The following PICALM variants were observed in gnomAD, a reference collection of about 807,000 sequenced individuals.
The protein encoded by PICALM is phosphatidylinositol binding clathrin assembly protein.
PICALM carries 40 observed loss-of-function variants against 80.5 expected under a neutral mutation model. The ratio of observed to expected loss-of-function variants is 0.50; its 90% CI spans 0.39 to 0.65. The LOEUF (loss-of-function observed/expected upper bound fraction) is 0.65, where lower values mean the gene tolerates loss of function less well. PICALM is among the 30% of genes least tolerant of loss of function. PICALM has a pLI of 0.00. For missense variants in PICALM, 676 were observed against 778.9 expected, an observed-to-expected ratio of 0.87 and a Z score of 1.57; for synonymous variants, 288 against 260.3, an observed-to-expected ratio of 1.11 and a Z score of -1.02.
rs1441340085 is a variant in PICALM, at chr11:85,957,264, T to C, written c.*1782A>G. ...ACATTTTTTCTCCAATCACAGCAAA[T>C]ATTATGAGACACTTATCAATGCAAA... is the stretch of plus-strand genomic sequence containing the variant. On this transcript the variant is annotated 3_prime_UTR_variant, in exon 20 of 20. Transcript: ENST00000393346. Among the ~76,000 whole-genome samples, 1 of 152,178 alleles carries C rather than the reference T, an allele frequency of 6.6e-6. No individual in the cohort carries two copies. The highest frequency in any genetic ancestry group is 1.5e-5 in the Non-Finnish European group (1 of 68,022).
chr11:86,017,201 T>G (rs959376625), intron 4 of PICALM, among the ~76,000 whole-genome samples: 2 of 143,852 alleles, frequency 1.4e-5, no homozygotes, highest in African/African-American at 2.6e-5. Context: ...CCAGCCTGGG[T>G]GACAGAGTGA....
chr11:86,052,053 G>A (rs189778189), intron 1 of PICALM, among the ~76,000 whole-genome samples: 116 of 152,278 alleles, frequency 7.6e-4, no homozygotes, highest in African/African-American at 2.6e-3. Flanking sequence ...CAACTGAAAC[G>A]GTTTGGCTCT....
chr11:86,011,626 C>T (rs1025082330), intron 6 of PICALM, among the ~76,000 whole-genome samples: 10 of 152,024 alleles, frequency 6.6e-5, no homozygotes, highest in African/African-American at 1.9e-4. Context: ...CTTTATTTTT[C>T]ACTTGTGAAA....
chr11:85,972,633 A>C lies in PICALM; in HGVS notation c.1944+2075T>G, dbSNP rs567613498. The stretch of plus-strand genomic sequence containing the variant: ...CAGAGTGGGTGAAGGGTTTAACTAC[A>C]TATCAGGAAAAACACTTCTGTAGTC... On this transcript the variant is annotated intron_variant, in intron 19 of 19. Transcript: ENST00000393346. 1.3e-4 allele frequency among the ~76,000 whole-genome samples: 20 copies of C among 152,348 alleles called. 1 individual carries two copies. The South Asian group carries it at 3.9e-3, about 30-fold the overall frequency.
chr11:85,998,212 TG>T (rs1381483244), intron 11 of PICALM, among the ~76,000 whole-genome samples: 1 of 152,000 alleles, frequency 6.6e-6, no homozygotes, highest in African/African-American at 2.4e-5. Context: ...CCCGGGTTCA[TG>T]CCATTCTTCT....
intron 17 of PICALM, among the ~76,000 whole-genome samples, chr11:85,980,473 G>C (rs1170654560): frequency 6.6e-6 from 1 of 152,114 alleles, no homozygotes; most frequent in African/African-American, 2.4e-5. Flanking sequence ...ATTTCCCCCA[G>C]CAAGGGTTCA....
intron 13 of PICALM, among the ~76,000 whole-genome samples, chr11:85,988,993 G>T (rs1371113243): frequency 6.6e-6 from 1 of 152,176 alleles, no homozygotes; most frequent in East Asian, 1.9e-4. Flanking sequence ...CACATATGCA[G>T]CATAGTTAAG....
intron 19 of PICALM, among the ~76,000 whole-genome samples, chr11:85,970,694 G>C (rs899108936): frequency 2.0e-5 from 3 of 152,142 alleles, no homozygotes; most frequent in Non-Finnish European, 4.4e-5. Context: ...TGTAATCCCA[G>C]CTGCCGGGGA....
chr11:86,012,134 T>C (rs1180544399), intron 6 of PICALM, 147 bp downstream of exon 6: 1 of 427,918 alleles, frequency 2.3e-6, no homozygotes, highest in Admixed American at 4.2e-5. Context: ...AGTAATTAGG[T>C]ATAAAACTCT....
chr11:86,042,242 A>C (rs2095984727), intron 1 of PICALM, among the ~76,000 whole-genome samples: 1 of 152,196 alleles, frequency 6.6e-6, no homozygotes, highest in Non-Finnish European at 1.5e-5. Context: ...CCTAGATTCC[A>C]AATAAGGATT....
At chr11:85,980,307 G>A (rs2094403911) in intron 17 of PICALM, among the ~76,000 whole-genome samples, 2 of 152,158 alleles carry the variant, frequency 1.3e-5, no homozygotes, top group South Asian at 4.1e-4. Flanking sequence ...GCTGGACAGG[G>A]CTAAAATTCC....
At chr11:86,046,949 A>G (rs1439739133) in intron 1 of PICALM, among the ~76,000 whole-genome samples, 1 of 152,214 alleles carries the variant, frequency 6.6e-6, no homozygotes, top group East Asian at 1.9e-4. Flanking sequence ...AGATTTCTTT[A>G]TACATTACAA....
Position 85,996,231 on chromosome 11 carries a change from G to A in PICALM, c.1258+595C>T, listed in dbSNP as rs566713719. Among the ~76,000 whole-genome samples, 5 of 152,090 alleles carry A rather than the reference G, an allele frequency of 3.3e-5. No homozygotes were observed. In the East Asian group the frequency reaches 9.6e-4, roughly 29 times the overall value. On this transcript the variant is annotated intron_variant, in intron 12 of 19. Transcript: ENST00000393346. ...TAACTTATCTTGCTATGAGAGATAA[G>A]CCTATCACTTCAGAACTGCTTAAGG...
chr11:86,021,059 G>A (rs964136691), intron 4 of PICALM, among the ~76,000 whole-genome samples: 5 of 152,128 alleles, frequency 3.3e-5, no homozygotes, highest in East Asian at 3.8e-4. Context: ...ATTTAAAAAT[G>A]AGCAAAAGGC....
intron 4 of PICALM, among the ~76,000 whole-genome samples, chr11:86,016,600 G>A (rs1450843957): frequency 1.3e-5 from 2 of 152,108 alleles, no homozygotes; most frequent in Non-Finnish European, 2.9e-5. Flanking sequence ...TCACTATCCT[G>A]GCTGAGCAAA....
chr11:86,037,591 G>T (rs1301493700), intron 1 of PICALM, among the ~76,000 whole-genome samples: 1 of 151,108 alleles, frequency 6.6e-6, no homozygotes, highest in Non-Finnish European at 1.5e-5. Context: ...ACTGCTTGTA[G>T]TGGAGGTTGA....
chr11:85,971,644 G>A (rs1479978725), intron 19 of PICALM, among the ~76,000 whole-genome samples: 1 of 152,006 alleles, frequency 6.6e-6, no homozygotes, highest in Non-Finnish European at 1.5e-5. Context: ...GCCAAGGCGG[G>A]AGGATGGCTT....
chr11:85,978,989 T>C (rs1050147972), intron 17 of PICALM, among the ~76,000 whole-genome samples: 7 of 152,172 alleles, frequency 4.6e-5, no homozygotes, highest in Non-Finnish European at 7.3e-5. Context: ...AGGTGTGTTA[T>C]AGTGGGAAGA....
chr11:86,027,468 C>CT (rs1385764270), intron 2 of PICALM, among the ~76,000 whole-genome samples: 2 of 151,282 alleles, frequency 1.3e-5, no homozygotes, highest in Non-Finnish European at 2.9e-5. Flanking sequence ...TAATAATCAA[C>CT]TAGGATGTAC....
Sources: gnomAD v4.1 joint callset for allele counts (sites outside exome capture counted in the v4.1 genomes callset) on GRCh38, gnomAD v4.1.1 for gene constraint, MANE v1.5 for transcripts, NCBI Gene and HGNC (gene_info 2026-07-23, HGNC 2026-07-21) for gene names.